Variants in RSU1 observed in about 807,000 individuals in gnomAD.
The protein encoded by RSU1 is Ras suppressor protein 1.
A neutral mutation model predicts 31.1 loss-of-function variants in RSU1; 26 were observed. The observed-to-expected ratio is 0.84, with a 90% CI of 0.61 to 1.16. The LOEUF (loss-of-function observed/expected upper bound fraction) is 1.16, where lower values mean the gene tolerates loss of function less well. Among genes scored for constraint, RSU1 ranks in the 50% most tolerant of loss-of-function variants. The probability of loss-of-function intolerance (pLI) is 0.00; values close to 1 mark genes in which losing one functional copy is unlikely to be tolerated. For synonymous variants in RSU1, 164 were observed against 136.3 expected (o/e 1.20, Z -1.41); for missense variants, 320 against 339.1 (o/e 0.94, Z 0.44).
chr10:16,667,745 C>T (rs1436185194), intron 8 of RSU1, among the ~76,000 whole-genome samples: 3 of 152,140 alleles, frequency 2.0e-5, no homozygotes, highest in African/African-American at 7.2e-5. Context: ...ACCTTGGCTT[C>T]CCAAGGTGCT....
At chr10:16,768,567 C>T (rs574631968) in intron 3 of RSU1, among the ~76,000 whole-genome samples, 8 of 152,264 alleles carry the variant, frequency 5.3e-5, no homozygotes, top group East Asian at 1.9e-4. Context: ...CTGCTGGGGA[C>T]GCTCTCATCC....
chr10:16,594,869 C>G (rs1833585436), intron 8 of RSU1, among the ~76,000 whole-genome samples: 1 of 148,824 alleles, frequency 6.7e-6, no homozygotes, highest in Non-Finnish European at 1.5e-5. Context: ...ACTGCAACCT[C>G]TGCCTCCCAG....
intron 7 of RSU1, among the ~76,000 whole-genome samples, chr10:16,699,337 G>C (rs1471640770): frequency 6.6e-6 from 1 of 152,208 alleles, no homozygotes; most frequent in Non-Finnish European, 1.5e-5. Context: ...CTCTGCACCA[G>C]TTGGGGATGA....
At chr10:16,701,491 TC>T (rs771415519) in intron 7 of RSU1, among the ~76,000 whole-genome samples, 1 of 152,202 alleles carries the variant, frequency 6.6e-6, no homozygotes, top group Non-Finnish European at 1.5e-5. Flanking sequence ...GCTTGGCCTT[TC>T]CAGCAACACA....
intron 7 of RSU1, among the ~76,000 whole-genome samples, chr10:16,698,427 C>T (rs755946223): frequency 6.6e-6 from 1 of 152,208 alleles, no homozygotes; most frequent in Non-Finnish European, 1.5e-5. Context: ...GGAACGCACA[C>T]AGCCTCTTGT....
chr10:16,719,880 G>A (rs184531296), intron 7 of RSU1, among the ~76,000 whole-genome samples: 1 of 152,250 alleles, frequency 6.6e-6, no homozygotes, highest in African/African-American at 2.4e-5. Context: ...TCAAGATTGG[G>A]GACAATGCTT....
At chr10:16,680,583 T>C (rs1255154068) in intron 8 of RSU1, among the ~76,000 whole-genome samples, 3 of 152,062 alleles carry the variant, frequency 2.0e-5, no homozygotes, top group African/African-American at 7.2e-5. Context: ...GGTGCAGGCA[T>C]GTCACGTGGC....
intron 8 of RSU1, among the ~76,000 whole-genome samples, chr10:16,689,739 G>A (rs989300402): frequency 6.6e-6 from 1 of 152,128 alleles, no homozygotes; most frequent in African/African-American, 2.4e-5. Context: ...AGTATGGCTG[G>A]TCTTTCATTT....
At position 16,722,895 on chromosome 10, in the gene RSU1, T is replaced by C. The variant is rs185606554; in HGVS notation, c.599-27740A>G. ...ATATATACACACATATACATATATG[T>C]ATATATACACACATATACATATATG... On this transcript the variant is annotated intron_variant, in intron 7 of 8. Coordinates refer to ENST00000345264, the MANE Select transcript of RSU1 (RefSeq NM_012425.4). Among the ~76,000 whole-genome samples the C allele has an allele frequency of 9.5e-3, 1,382 of 145,294 alleles. 1 individual carries two copies. Among genetic ancestry groups the C allele is most frequent in the East Asian group, 0.032 (147 of 4,540 alleles).
At chr10:16,629,461 C>G (rs144556743) in intron 8 of RSU1, among the ~76,000 whole-genome samples, 6 of 152,204 alleles carry the variant, frequency 3.9e-5, no homozygotes, top group African/African-American at 1.4e-4. Context: ...CTTTCTGGCT[C>G]AGGGGAGGGA....
chr10:16,753,519 A>G (rs1223086930), intron 5 of RSU1, among the ~76,000 whole-genome samples: 2 of 152,210 alleles, frequency 1.3e-5, no homozygotes, highest in Non-Finnish European at 2.9e-5. Context: ...TCAGTTCCAT[A>G]ATCTGACTAA....
chr10:16,714,162 G>A (rs1200161513), intron 7 of RSU1, among the ~76,000 whole-genome samples: 1 of 152,196 alleles, frequency 6.6e-6, no homozygotes, highest in African/African-American at 2.4e-5. Flanking sequence ...AGGTGCATAT[G>A]GGTGTGGCTA....
At chr10:16,635,102 C>T (rs956315589) in intron 8 of RSU1, among the ~76,000 whole-genome samples, 4 of 152,182 alleles carry the variant, frequency 2.6e-5, no homozygotes, top group Admixed American at 2.6e-4. Context: ...TTCGTAACAG[C>T]CTCCTACTGG....
intron 2 of RSU1, among the ~76,000 whole-genome samples, chr10:16,815,070 C>G (rs1838498846): frequency 6.6e-6 from 1 of 152,240 alleles, no homozygotes; most frequent in Admixed American, 6.5e-5. Flanking sequence ...CTATCCCCTT[C>G]TCTTTCTCCT....
intron 8 of RSU1, among the ~76,000 whole-genome samples, chr10:16,678,556 A>C (rs552464064): frequency 6.6e-6 from 1 of 152,334 alleles, no homozygotes; most frequent in East Asian, 1.9e-4. Context: ...AAAATAGGAG[A>C]TAGTGTAGAC....
intron 2 of RSU1, among the ~76,000 whole-genome samples, chr10:16,782,921 T>C (rs2131647304): frequency 6.6e-6 from 1 of 152,044 alleles, no homozygotes. Context: ...CTATTTTTTT[T>C]TTTTTTTGAG....
chr10:16,684,113 G>C (rs1238205209), intron 8 of RSU1, among the ~76,000 whole-genome samples: 1 of 152,146 alleles, frequency 6.6e-6, no homozygotes, highest in African/African-American at 2.4e-5. Context: ...GGATTGGGAG[G>C]GTGGTGAAAG....
intron 7 of RSU1, among the ~76,000 whole-genome samples, chr10:16,696,123 G>T (rs998881711): frequency 6.6e-6 from 1 of 150,598 alleles, no homozygotes; most frequent in Non-Finnish European, 1.5e-5. Flanking sequence ...TATATGTGAA[G>T]GTCTGTCCCT....
At chr10:16,701,366 A>C (rs7093729) in intron 7 of RSU1, among the ~76,000 whole-genome samples, 3 of 152,060 alleles carry the variant, frequency 2.0e-5, no homozygotes, top group Non-Finnish European at 4.4e-5. Context: ...CTAGGTCTGA[A>C]GTTGCTTTTC....
Sources: allele counts gnomAD v4.1 joint callset (sites outside exome capture counted in the v4.1 genomes callset), GRCh38; gene constraint gnomAD v4.1.1; transcripts MANE v1.5; gene names NCBI Gene and HGNC (gene_info 2026-07-23, HGNC 2026-07-21).